Variants in NUDT16 observed in about 807,000 individuals in gnomAD.
NUDT16 encodes U8 snoRNA-decapping enzyme.
NUDT16 carries 12 observed loss-of-function variants against 11.7 expected under a neutral mutation model. That is an observed-to-expected ratio of 1.03 (90% CI 0.66 to 1.67). The LOEUF is 1.67. Among genes scored for constraint, NUDT16 ranks in the 40% most tolerant of loss-of-function variants. The pLI is 0.00. For missense variants in NUDT16, 303 were observed against 268.9 expected (o/e 1.13, Z -0.89); for synonymous variants, 129 against 122.6 (o/e 1.05, Z -0.35).
chr3:131,388,451 GCATCAGA>G lies in NUDT16; in HGVS notation c.*5112_*5118del, dbSNP rs1311943898. On this transcript the variant is annotated 3_prime_UTR_variant, in exon 3 of 3. Coordinates refer to ENST00000521288, the MANE Select transcript of NUDT16 (RefSeq NM_152395.3). Reference sequence around the variant, plus strand: ...GGAACAAAAAGATAAAAACTAAAAAGCATCAGACTGTTTTTTGTGTGAAGGAAATTTG... The same window carrying G: ...GGAACAAAAAGATAAAAACTAAAAAGCTGTTTTTTGTGTGAAGGAAATTTG... The G allele has an allele frequency of 6.6e-6, 1 of 152,170 alleles. No homozygotes were observed. The highest frequency in any genetic ancestry group is 1.5e-5 in the Non-Finnish European group (1 of 68,018). 9.4% of individuals were successfully genotyped at this position (152,170 alleles called of 1,614,324 possible).
At chr3:131,382,435 G>C (rs2097456368) in intron 2 of NUDT16, 120 bp downstream of exon 2, 4 of 1,541,814 alleles carry the variant, frequency 2.6e-6, no homozygotes, top group Non-Finnish European at 8.7e-7. Flanking sequence ...CCTCTCCCCA[G>C]CTTTCTTGGT....
chr3:131,382,592 T>C lies in NUDT16; in HGVS notation c.408+277T>C, dbSNP rs576068756. ...CTGCTGTTCCCTATTGACAGTGTGA[T>C]AGATTATCACATTATCTAGGTGTGG... On this transcript the variant is annotated intron_variant, in intron 2 of 2. Coordinates refer to ENST00000521288, the MANE Select transcript of NUDT16 (RefSeq NM_152395.3). The C allele has an allele frequency of 2.4e-5, 36 of 1,519,890 alleles. No individual in the cohort carries two copies. The South Asian group carries it at 3.9e-4, about 16-fold the overall frequency. The allele number at this position is 1,519,890 out of a possible 1,614,324, so 94.2% of individuals were successfully genotyped here. A position where few individuals can be genotyped will look rare whatever the true frequency, so the allele number is the denominator to read the frequency against.
intron 2 of NUDT16, chr3:131,382,660 A>C: frequency 6.9e-7 from 1 of 1,449,408 alleles, no homozygotes; most frequent in Non-Finnish European, 9.0e-7. Context: ...CTTGTGTAGG[A>C]GATGTGGCCC....
chr3:131,382,091 G>A lies in NUDT16; in HGVS notation c.184G>A (p.Val62Met). 1 of 1,589,540 alleles carries A rather than the reference G, an allele frequency of 6.3e-7. No homozygotes were observed. The highest frequency in any genetic ancestry group is 8.6e-7 in the Non-Finnish European group (1 of 1,167,394). The part of the protein sequence containing the change: ...DGRLGFPGGF[V>M]DTQDRSLEDG... ...ACGCCTGGGCTTCCCCGGCGGATTCGTGGACACGCAGGACAGAAGCCTAGA... is the reference window on the plus strand; with the variant it reads ...ACGCCTGGGCTTCCCCGGCGGATTCATGGACACGCAGGACAGAAGCCTAGA... Residue 62 changes from valine to methionine, a missense_variant, in exon 2 of 3, where the codon GTG becomes ATG. Val to Met is a conservative substitution (Grantham distance 21, BLOSUM62 1). Transcript: ENST00000521288.
At chr3:131,381,762 T>C, upstream of NUDT16, 2 of 1,531,098 alleles carry the variant, frequency 1.3e-6, no homozygotes, top group Non-Finnish European at 1.7e-6. Context: ...CCCGCCCCTC[T>C]GCCCATTGGG....
rs1373305823 is a variant in NUDT16, at chr3:131,388,042, G to A, written c.*4701G>A. 6.6e-6 allele frequency: 1 copy of A among 152,188 alleles called. No homozygotes were observed. Among genetic ancestry groups the A allele is most frequent in the Non-Finnish European group, 1.5e-5 (1 of 68,066 alleles). The allele number at this position is 152,188 out of a possible 1,614,324, so 9.4% of individuals were successfully genotyped here. A position where few individuals can be genotyped will look rare whatever the true frequency, so the allele number is the denominator to read the frequency against. ...GAGAGCAGGGACTCTGAAATGAGGT[G>A]AGAGAAAAGATAAGACATGCAGGAA... On this transcript the variant is annotated 3_prime_UTR_variant, in exon 3 of 3. Coordinates refer to ENST00000521288, the MANE Select transcript of NUDT16 (RefSeq NM_152395.3).
In NUDT16 at chr3:131,385,875, G is replaced by A. The variant is rs2097459639; in HGVS notation, c.*2534G>A. The A allele has an allele frequency of 6.6e-6, 1 of 152,256 alleles. No homozygotes were observed. The highest frequency in any genetic ancestry group is 1.5e-5 in the Non-Finnish European group (1 of 68,128). The allele number at this position is 152,256 out of a possible 1,614,324, so 9.4% of individuals were successfully genotyped here. On this transcript the variant is annotated 3_prime_UTR_variant, in exon 3 of 3. Transcript: ENST00000521288. ...TGACGCCTGGGAGATCAGAGCCACT[G>A]ACCCTTTATGGCACTGCTAACAGAC...
rs572302899 is a variant in NUDT16, at chr3:131,388,371, C to A, written c.*5030C>A. 6.6e-6 allele frequency: 1 copy of A among 152,308 alleles called. No individual in the cohort carries two copies. Among genetic ancestry groups the A allele is most frequent in the Non-Finnish European group, 1.5e-5 (1 of 68,016 alleles). 9.4% of individuals were successfully genotyped at this position (152,308 alleles called of 1,614,324 possible). ...CATTTTAGAGGAAACAGGACAAAAA[C>A]TTCCCTAAACTCAAGATACTACACC... On this transcript the variant is annotated 3_prime_UTR_variant, in exon 3 of 3. Coordinates refer to ENST00000521288, the MANE Select transcript of NUDT16 (RefSeq NM_152395.3).
At position 131,381,906 on chromosome 3, in the gene NUDT16, G is replaced by C; in HGVS notation, c.102G>C (p.Met34Ile). ...HALLYAPDPG[M>I]LFGRIPLRYA... The stretch of plus-strand genomic sequence containing the variant: ...TCCTCTACGCGCCGGACCCTGGGAT[G>C]CTCTTCGGCCGCATCCCGCTGCGCT... Residue 34 changes from methionine (M) to isoleucine (I), a missense_variant, in exon 1 of 3, where the codon ATG (methionine) becomes ATC (isoleucine). Physicochemically the swap from Met to Ile is conservative, Grantham distance 10. Coordinates refer to ENST00000521288, the MANE Select transcript of NUDT16 (RefSeq NM_152395.3). 6.2e-7 allele frequency: 1 copy of C among 1,611,332 alleles called. No individual in the cohort carries two copies. The highest frequency in any genetic ancestry group is 8.5e-7 in the Non-Finnish European group (1 of 1,179,558).
In NUDT16 at chr3:131,385,275, A is replaced by G. The variant is rs2097459247; in HGVS notation, c.*1934A>G. 1 of 152,310 alleles carries G rather than the reference A, an allele frequency of 6.6e-6. No individual in the cohort carries two copies. The highest frequency in any genetic ancestry group is 2.1e-4 in the South Asian group (1 of 4,826). The allele number at this position is 152,310 out of a possible 1,614,324, so 9.4% of individuals were successfully genotyped here. On this transcript the variant is annotated 3_prime_UTR_variant, in exon 3 of 3. Transcript: ENST00000521288. ...ATTGAGAGGTGGAGCAATCTCAGGTAAAGGCAAAATAGAGGGTATGACCTG... is the reference window on the plus strand; with the variant it reads ...ATTGAGAGGTGGAGCAATCTCAGGTGAAGGCAAAATAGAGGGTATGACCTG...
rs2097457174 is a variant in NUDT16, at chr3:131,383,107, T to C, written c.409-55T>C. On this transcript the variant is annotated intron_variant, in intron 2 of 2. Transcript: ENST00000521288. The surrounding 1 kb of genome is among the most constrained non-coding windows in gnomAD (Gnocchi z 4.4). ...CTGATCTGCTGGAGAAAGGATGGAG[T>C]TAAGGGAATGAGCCACCTGGGGCCC... The C allele has an allele frequency of 6.4e-7, 1 of 1,571,516 alleles. No individual in the cohort carries two copies. The highest frequency in any genetic ancestry group is 1.4e-5 in the African/African-American group (1 of 73,626).
rs2097455784 is a variant in NUDT16, at chr3:131,382,055, C to T, written c.148C>T (p.Arg50Cys). ...PLRYAILMQM[R>C]FDGRLGFPGG... ...CTTCCCCCTCCCGCAGATGCAGATGCGCTTCGATGGACGCCTGGGCTTCCC... is the reference window on the plus strand; with the variant it reads ...CTTCCCCCTCCCGCAGATGCAGATGTGCTTCGATGGACGCCTGGGCTTCCC... The change falls in exon 2 of 3, where the codon CGC (arginine) becomes TGC (cysteine). Residue 50 changes from arginine (R) to cysteine (C), a missense_variant. Arg to Cys is a radical substitution (Grantham distance 180). Transcript: ENST00000521288. 12 of 1,582,534 alleles carry T rather than the reference C, an allele frequency of 7.6e-6. No homozygotes were observed. Among genetic ancestry groups the T allele is most frequent in the African/African-American group, 1.4e-5 (1 of 74,068 alleles).
chr3:131,386,691 C>G lies in NUDT16; in HGVS notation c.*3350C>G, dbSNP rs765058748. ...CAGCATAATCAGCAAGATGTTCCCACTTCTCAGCATTGCACTTTTCTGCTG... is the reference window on the plus strand; with the variant it reads ...CAGCATAATCAGCAAGATGTTCCCAGTTCTCAGCATTGCACTTTTCTGCTG... On this transcript the variant is annotated 3_prime_UTR_variant, in exon 3 of 3. Transcript: ENST00000521288. 2 of 152,248 alleles carry G rather than the reference C, an allele frequency of 1.3e-5. No homozygotes were observed. The highest frequency in any genetic ancestry group is 2.9e-5 in the Non-Finnish European group (2 of 68,068). 9.4% of individuals were successfully genotyped at this position (152,248 alleles called of 1,614,324 possible). A position where few individuals can be genotyped will look rare whatever the true frequency, so the allele number is the denominator to read the frequency against.
rs2110660031 is a variant in NUDT16, at chr3:131,383,539, T to C, written c.*198T>C. ...GCATCAGGGGCAAAAAGTCACAGCT[T>C]ATCCCAGGCACCCTGGCAGGTTCTC... On this transcript the variant is annotated 3_prime_UTR_variant, in exon 3 of 3. Coordinates refer to ENST00000521288, the MANE Select transcript of NUDT16 (RefSeq NM_152395.3). The surrounding 1 kb of genome is among the most constrained non-coding windows in gnomAD (Gnocchi z 4.4). The C allele has an allele frequency of 1.6e-6, 2 of 1,288,530 alleles. No homozygotes were observed. Among genetic ancestry groups the C allele is most frequent in the Non-Finnish European group, 2.1e-6 (2 of 952,802 alleles). The allele number at this position is 1,288,530 out of a possible 1,614,324, so 79.8% of individuals were successfully genotyped here. A position where few individuals can be genotyped will look rare whatever the true frequency, so the allele number is the denominator to read the frequency against.
Position 131,381,943 on chromosome 3 carries a change from G to GA in NUDT16, c.138+1_138+2insA. On this transcript the variant is annotated splice_donor_variant, in intron 1 of 2. Coordinates refer to ENST00000521288, the MANE Select transcript of NUDT16 (RefSeq NM_152395.3). LOFTEE classifies it high-confidence loss of function. ...CATCCCGCTGCGCTACGCCATACTG[G>GA]TGAGAAGGGGGCGCGCCCGGCCACT... 1 of 1,609,300 alleles carries GA rather than the reference G, an allele frequency of 6.2e-7. No homozygotes were observed. Among genetic ancestry groups the GA allele is most frequent in the Admixed American group, 1.7e-5 (1 of 59,524 alleles).
chr3:131,382,546 AAC>A, intron 2 of NUDT16: 1 of 1,535,832 alleles, frequency 6.5e-7, no homozygotes. Context: ...TCCTTTCTAG[AAC>A]ACACTCATCC....
rs887296518 is a variant in NUDT16 at position 131,387,973 on chromosome 3, T to G, written c.*4632T>G. The G allele has an allele frequency of 2.0e-5, 3 of 152,152 alleles. No individual in the cohort carries two copies. Among genetic ancestry groups the G allele is most frequent in the African/African-American group, 7.2e-5 (3 of 41,432 alleles). The allele number at this position is 152,152 out of a possible 1,614,324, so 9.4% of individuals were successfully genotyped here. A position where few individuals can be genotyped will look rare whatever the true frequency, so the allele number is the denominator to read the frequency against. ...GTGATAAAGACCATGCTCTGGAAGA[T>G]TCATTCCAAGGAGTAGAAGTGGTAT... On this transcript the variant is annotated 3_prime_UTR_variant, in exon 3 of 3. Coordinates refer to ENST00000521288, the MANE Select transcript of NUDT16 (RefSeq NM_152395.3).
chr3:131,383,877 G>C lies in NUDT16; in HGVS notation c.*536G>C. 1 of 180,338 alleles carries C rather than the reference G, an allele frequency of 5.5e-6. No homozygotes were observed. Among genetic ancestry groups the C allele is most frequent in the Non-Finnish European group, 1.2e-5 (1 of 84,788 alleles). 11.2% of individuals were successfully genotyped at this position (180,338 alleles called of 1,614,324 possible). A position where few individuals can be genotyped will look rare whatever the true frequency, so the allele number is the denominator to read the frequency against. ...GCTCTTGTCTTGAGTGGTGACCAAA[G>C]CAGTTGGCTCTTAAAAGGTGGGAGA... On this transcript the variant is annotated 3_prime_UTR_variant, in exon 3 of 3. Transcript: ENST00000521288. The surrounding 1 kb of genome is among the most constrained non-coding windows in gnomAD (Gnocchi z 4.4).
At chr3:131,382,702 AT>A in intron 2 of NUDT16, 3 of 1,425,528 alleles carry the variant, frequency 2.1e-6, no homozygotes, top group Non-Finnish European at 2.7e-6. Context: ...TAGATAGATT[AT>A]GTATGAAGGT....
Sources: allele counts gnomAD v4.1 joint callset, GRCh38; gene constraint gnomAD v4.1.1; non-coding constraint Gnocchi (gnomAD v3.1); transcripts MANE v1.5; gene names NCBI Gene and HGNC (gene_info 2026-07-23, HGNC 2026-07-21).